Variants in FXR1 observed in about 807,000 individuals in gnomAD.
FXR1 encodes the protein FMR1 autosomal homolog 1.
A neutral mutation model predicts 84.0 loss-of-function variants in FXR1; 15 were observed. That is an observed-to-expected ratio of 0.18 (90% CI 0.12 to 0.27). The LOEUF (loss-of-function observed/expected upper bound fraction) is 0.27. FXR1 is among the 10% of genes least tolerant of loss of function. The pLI is 1.00. For missense variants in FXR1, 480 were observed against 774.4 expected (o/e 0.62, Z 4.51); for synonymous variants, 245 against 250.7 (o/e 0.98, Z 0.21).
intron 14 of FXR1, among the ~76,000 whole-genome samples, chr3:180,968,987 C>T (rs568548082): frequency 6.6e-6 from 1 of 152,240 alleles, no homozygotes; most frequent in African/African-American, 2.4e-5. Flanking sequence ...GAAACCCGCA[C>T]CTTCCTTAAT....
intron 3 of FXR1, among the ~76,000 whole-genome samples, chr3:180,947,329 G>A (rs1236629496): frequency 6.6e-6 from 1 of 152,202 alleles, no homozygotes; most frequent in East Asian, 1.9e-4. Context: ...TTACAGGTGT[G>A]AGCCACTGCG....
At chr3:180,926,450 C>T (rs1719187406) in intron 1 of FXR1, among the ~76,000 whole-genome samples, 1 of 142,924 alleles carries the variant, frequency 7.0e-6, no homozygotes, top group South Asian at 2.2e-4. Context: ...AAGGGTAGTT[C>T]CTAATCTCTA....
intron 3 of FXR1, among the ~76,000 whole-genome samples, chr3:180,936,511 G>A (rs753609330): frequency 2.6e-5 from 4 of 152,010 alleles, no homozygotes; most frequent in African/African-American, 4.8e-5. Context: ...CAGGTGATCC[G>A]CCCACCTTGG....
At chr3:180,933,717 T>A (rs956740433) in intron 2 of FXR1, among the ~76,000 whole-genome samples, 1 of 152,172 alleles carries the variant, frequency 6.6e-6, no homozygotes, top group African/African-American at 2.4e-5. Context: ...AGTTGACTAC[T>A]GGTCATCAGA....
chr3:180,967,450 C>T (rs1397376515), intron 13 of FXR1, among the ~76,000 whole-genome samples: 1 of 151,990 alleles, frequency 6.6e-6, no homozygotes, highest in African/African-American at 2.4e-5. Context: ...TTAATTTACT[C>T]AAATATTGAA....
chr3:180,926,502 A>ATTTTTTTTTT (rs200360717), intron 1 of FXR1, among the ~76,000 whole-genome samples: 1 of 48,958 alleles, frequency 2.0e-5, no homozygotes, highest in African/African-American at 9.4e-5. Context: ...ATATATATAT[A>ATTTTTTTTTT]TATATTTTTT....
chr3:180,929,247 T>C (rs1217838328), intron 1 of FXR1, among the ~76,000 whole-genome samples: 3 of 152,204 alleles, frequency 2.0e-5, no homozygotes, highest in African/African-American at 7.2e-5. Flanking sequence ...GATGCCTGTT[T>C]GTTTTGTCAG....
At chr3:180,920,175 A>C (rs920307446) in intron 1 of FXR1, among the ~76,000 whole-genome samples, 2 of 152,052 alleles carry the variant, frequency 1.3e-5, no homozygotes, top group Non-Finnish European at 2.9e-5. Flanking sequence ...TTCCTTTCTT[A>C]ATCTACATAA....
intron 2 of FXR1, 51 bp downstream of exon 2, chr3:180,933,437 A>G (rs768933508): frequency 1.0e-5 from 11 of 1,064,142 alleles, no homozygotes; most frequent in Non-Finnish European, 1.3e-5. Context: ...GGCAGTGCCA[A>G]ACTTTTTGCT....
intron 1 of FXR1, among the ~76,000 whole-genome samples, chr3:180,931,104 C>T (rs1017738839): frequency 5.3e-5 from 8 of 149,690 alleles, no homozygotes; most frequent in African/African-American, 1.7e-4. Context: ...ATTATTATAG[C>T]ATGGTCAGAT....
chr3:180,930,373 A>G (rs1719745471), intron 1 of FXR1, among the ~76,000 whole-genome samples: 1 of 152,194 alleles, frequency 6.6e-6, no homozygotes, highest in Non-Finnish European at 1.5e-5. Context: ...GAAAGGTGGA[A>G]GTGGTGATTT....
chr3:180,953,444 TG>T (rs1722430345), intron 8 of FXR1, among the ~76,000 whole-genome samples: 1 of 152,180 alleles, frequency 6.6e-6, no homozygotes. Flanking sequence ...TATTTAGGAT[TG>T]GGTTAAAGTT....
At chr3:180,948,105 C>T in intron 4 of FXR1, 169 bp downstream of exon 4, 2 of 607,120 alleles carry the variant, frequency 3.3e-6, no homozygotes, top group Non-Finnish European at 5.9e-6. Flanking sequence ...TCTGTATTGG[C>T]AAACACCAAA....
chr3:180,927,835 ATCC>A (rs1719414000), intron 1 of FXR1: 2 of 418,140 alleles, frequency 4.8e-6, no homozygotes, highest in South Asian at 1.5e-4. Flanking sequence ...CCTAGTTCAT[ATCC>A]ATCGATACCT....
chr3:180,914,765 C>G, intron 1 of FXR1: 1 of 947,544 alleles, frequency 1.1e-6, no homozygotes, highest in South Asian at 4.9e-5. Context: ...GACTCCATTA[C>G]TCATTTTGCC....
At chr3:180,938,987 C>T (rs1334785336) in intron 3 of FXR1, among the ~76,000 whole-genome samples, 1 of 151,928 alleles carries the variant, frequency 6.6e-6, no homozygotes, top group Non-Finnish European at 1.5e-5. Flanking sequence ...CCTCCACCTC[C>T]CGATTTTAAG....
chr3:180,935,344 C>A, intron 3 of FXR1, 113 bp downstream of exon 3: 1 of 612,884 alleles, frequency 1.6e-6, no homozygotes, highest in Non-Finnish European at 2.9e-6. Flanking sequence ...TTTCTCTATT[C>A]TTTCTATTGG....
intron 13 of FXR1, 24 bp from the exon 14 acceptor site, chr3:180,968,027 G>T (rs777188691): frequency 4.1e-6 from 6 of 1,474,192 alleles, no homozygotes; most frequent in Non-Finnish European, 4.8e-6. Context: ...AATCTAAGTG[G>T]TTTATGTTCT....
rs1346196399 is a variant in FXR1, at chr3:180,981,938, A to T, written c.*5646A>T. 6.6e-6 allele frequency: 1 copy of T among 152,028 alleles called. No homozygotes were observed. The highest frequency in any genetic ancestry group is 1.5e-5 in the Non-Finnish European group (1 of 67,942). The allele number at this position is 152,028 out of a possible 1,614,324, so 9.4% of individuals were successfully genotyped here. A position where few individuals can be genotyped will look rare whatever the true frequency, so the allele number is the denominator to read the frequency against. On this transcript the variant is annotated 3_prime_UTR_variant, in exon 17 of 17. Transcript: ENST00000357559. Reference sequence around the variant, plus strand: ...TGTTTAATCATGCCGCCTTCTTTAAAATATATCTGGAAGCACCAATGAGTA... The same window carrying T: ...TGTTTAATCATGCCGCCTTCTTTAATATATATCTGGAAGCACCAATGAGTA...
Sources: gnomAD v4.1 joint callset for allele counts (sites outside exome capture counted in the v4.1 genomes callset) on GRCh38, gnomAD v4.1.1 for gene constraint, MANE v1.5 for transcripts, NCBI Gene and HGNC (gene_info 2026-07-23, HGNC 2026-07-21) for gene names.